Variants in DNAJC1 observed in about 807,000 individuals in gnomAD.
DNAJC1 encodes DnaJ heat shock protein family (Hsp40) member C1.
Under a neutral mutation model 76.6 loss-of-function variants are expected in DNAJC1, and 58 were observed. The ratio of observed to expected loss-of-function variants is 0.76; its 90% CI spans 0.61 to 0.94. The LOEUF is 0.94. DNAJC1 is among the 40% of genes least tolerant of loss of function. The pLI is 0.00. For missense variants in DNAJC1, 689 were observed against 677.3 expected, an observed-to-expected ratio of 1.02 and a Z score of -0.19; for synonymous variants, 258 against 267.9, an observed-to-expected ratio of 0.96 and a Z score of 0.36.
intron 1 of DNAJC1, among the ~76,000 whole-genome samples, chr10:21,962,460 T>TG (rs1837812214): frequency 7.9e-5 from 1 of 12,728 alleles, no homozygotes; most frequent in Non-Finnish European, 1.3e-4. Flanking sequence ...ATTTTATTGC[T>TG]TTTTTTTTTT....
intron 9 of DNAJC1, among the ~76,000 whole-genome samples, chr10:21,802,493 G>C (rs1180359290): frequency 1.3e-5 from 2 of 152,048 alleles, no homozygotes; most frequent in Admixed American, 6.6e-5. Flanking sequence ...AATGAATTGG[G>C]AATTTTATGA....
At chr10:21,976,443 T>C (rs1590075749) in intron 1 of DNAJC1, among the ~76,000 whole-genome samples, 1 of 152,304 alleles carries the variant, frequency 6.6e-6, no homozygotes, top group Non-Finnish European at 1.5e-5. Flanking sequence ...TTTTCCCTAC[T>C]ACCCACAGGT....
At chr10:21,931,539 C>A (rs1256175781) in intron 1 of DNAJC1, among the ~76,000 whole-genome samples, 1 of 152,148 alleles carries the variant, frequency 6.6e-6, no homozygotes, top group Non-Finnish European at 1.5e-5. Flanking sequence ...AGAATCAGAT[C>A]TCTTTATTTT....
At chr10:21,918,153 C>A (rs1339126274) in intron 6 of DNAJC1, among the ~76,000 whole-genome samples, 1 of 151,528 alleles carries the variant, frequency 6.6e-6, no homozygotes, top group Non-Finnish European at 1.5e-5. Context: ...ATTAACAAAG[C>A]AATAATTTAA....
At chr10:21,944,857 G>T (rs1837478096) in intron 1 of DNAJC1, among the ~76,000 whole-genome samples, 1 of 152,188 alleles carries the variant, frequency 6.6e-6, no homozygotes, top group South Asian at 2.1e-4. Flanking sequence ...CAGACAACTT[G>T]TGAGTAACAG....
At chr10:21,869,963 T>A (rs540615347) in intron 8 of DNAJC1, among the ~76,000 whole-genome samples, 1 of 152,182 alleles carries the variant, frequency 6.6e-6, no homozygotes, top group African/African-American at 2.4e-5. Flanking sequence ...TCGTATTTTA[T>A]AAGTCAAGCA....
chr10:21,816,588 C>G (rs2131653189), intron 8 of DNAJC1, among the ~76,000 whole-genome samples: 1 of 149,244 alleles, frequency 6.7e-6, no homozygotes, highest in African/African-American at 2.5e-5. Flanking sequence ...CTCTGTCACC[C>G]AGGCTGGAGT....
chr10:21,943,870 C>G (rs1049865975), intron 1 of DNAJC1, among the ~76,000 whole-genome samples: 1 of 150,124 alleles, frequency 6.7e-6, no homozygotes, highest in African/African-American at 2.5e-5. Context: ...TGGCTGTGGT[C>G]AACCGCAAAT....
chr10:21,900,303 A>G (rs1355277784), intron 7 of DNAJC1, among the ~76,000 whole-genome samples: 1 of 151,844 alleles, frequency 6.6e-6, no homozygotes, highest in African/African-American at 2.4e-5. Context: ...ACATTGCGCC[A>G]CTGCACTTGA....
chr10:21,766,948 C>A (rs1358157049), intron 9 of DNAJC1, among the ~76,000 whole-genome samples: 4 of 141,530 alleles, frequency 2.8e-5, no homozygotes, highest in African/African-American at 1.1e-4. Flanking sequence ...CCAGCCTGGG[C>A]ATCGGAGTGA....
rs116094889 is a variant in DNAJC1 at position 21,764,856 on chromosome 10, T to A, written c.1147+1405A>T. On this transcript the variant is annotated intron_variant, in intron 10 of 11. Coordinates refer to ENST00000376980, the MANE Select transcript of DNAJC1 (RefSeq NM_022365.4). ...CCAAATATCACATCGGATTTGCCTC[T>A]TTTCCTCTCTGTCCTGATGCTGGAT... Among the ~76,000 whole-genome samples, 635 of 152,322 alleles carry A rather than the reference T, an allele frequency of 4.2e-3. 7 individuals carry two copies. The highest frequency in any genetic ancestry group is 0.014 in the African/African-American group (601 of 41,582).
At chr10:21,862,858 C>T (rs1228266587) in intron 8 of DNAJC1, among the ~76,000 whole-genome samples, 1 of 152,192 alleles carries the variant, frequency 6.6e-6, no homozygotes, top group Non-Finnish European at 1.5e-5. Context: ...CAAGGCTAGG[C>T]GAGGTGGCTC....
intron 7 of DNAJC1, among the ~76,000 whole-genome samples, chr10:21,886,657 G>A (rs1464809878): frequency 3.9e-5 from 6 of 152,116 alleles, no homozygotes; most frequent in Non-Finnish European, 7.4e-5. Context: ...CAGGTAGCAA[G>A]GTTGGTACAA....
At chr10:21,954,950 A>G (rs1227535793) in intron 1 of DNAJC1, among the ~76,000 whole-genome samples, 1 of 152,142 alleles carries the variant, frequency 6.6e-6, no homozygotes, top group Non-Finnish European at 1.5e-5. Context: ...CCTTTAAGTC[A>G]GGTTTTCTCA....
At chr10:21,813,062 CATATATACAT>C (rs1406060783) in intron 8 of DNAJC1, among the ~76,000 whole-genome samples, 3 of 123,158 alleles carry the variant, frequency 2.4e-5, no homozygotes, top group African/African-American at 9.7e-5. Context: ...CATATATATA[CATATATACAT>C]ATATATACAT....
At chr10:21,783,809 C>A (rs894433542) in intron 9 of DNAJC1, among the ~76,000 whole-genome samples, 14 of 152,110 alleles carry the variant, frequency 9.2e-5, no homozygotes, top group Admixed American at 3.9e-4. Flanking sequence ...GGAAAGGATT[C>A]CCTATTTAAT....
chr10:21,980,833 A>C (rs1319710693), intron 1 of DNAJC1, among the ~76,000 whole-genome samples: 2 of 152,178 alleles, frequency 1.3e-5, no homozygotes, highest in African/African-American at 2.4e-5. Flanking sequence ...ATTTGAAGTC[A>C]GTGATCACAT....
At chr10:21,899,314 G>A (rs182461435) in intron 7 of DNAJC1, among the ~76,000 whole-genome samples, 32 of 152,278 alleles carry the variant, frequency 2.1e-4, no homozygotes, top group Non-Finnish European at 2.8e-4. Flanking sequence ...CCTAGGAAGG[G>A]GGCTGAATCC....
intron 1 of DNAJC1, among the ~76,000 whole-genome samples, chr10:21,936,551 A>G (rs1655341885): frequency 6.6e-6 from 1 of 152,224 alleles, no homozygotes; most frequent in South Asian, 2.1e-4. Context: ...TGTAATCTGG[A>G]GTGCAGAGTG....
Sources: gnomAD v4.1 joint callset for allele counts (sites outside exome capture counted in the v4.1 genomes callset) on GRCh38, gnomAD v4.1.1 for gene constraint, MANE v1.5 for transcripts, NCBI Gene and HGNC (gene_info 2026-07-23, HGNC 2026-07-21) for gene names.